LYSMD1: variants seen among roughly 807,000 people sequenced by gnomAD.
LYSMD1 encodes LysM domain containing 1.
Under a neutral mutation model 19.3 loss-of-function variants are expected in LYSMD1, and 9 were observed. The ratio of observed to expected loss-of-function variants is 0.47; its 90% CI spans 0.28 to 0.81. The LOEUF (loss-of-function observed/expected upper bound fraction) is 0.81, where lower values mean the gene tolerates loss of function less well. LYSMD1 is among the 40% of genes least tolerant of loss of function. The pLI is 0.11. For synonymous variants in LYSMD1, 111 were observed against 111.7 expected, an observed-to-expected ratio of 0.99 and a Z score of 0.04; for missense variants, 262 against 279.8, an observed-to-expected ratio of 0.94 and a Z score of 0.45.
downstream of LYSMD1, chr1:151,159,132 C>T (rs1186886111): frequency 8.7e-6 from 14 of 1,614,080 alleles, no homozygotes; most frequent in African/African-American, 2.7e-5. Flanking sequence ...GCATCCGCCA[C>T]GTGTTTGATC....
At chr1:151,154,620 A>G in the LYSMD1 span, among the ~76,000 whole-genome samples, 9 of 151,974 alleles carry the variant, frequency 5.9e-5, no homozygotes, top group Non-Finnish European at 1.0e-4. Context: ...ATCTTCTTAT[A>G]TTTTTATTCC....
At chr1:151,156,194 TG>T (rs1683218384), downstream of LYSMD1, among the ~76,000 whole-genome samples, 1 of 150,100 alleles carries the variant, frequency 6.7e-6, no homozygotes, top group Non-Finnish European at 1.5e-5. Context: ...GCTGGTCACC[TG>T]TGGTGCAGCA....
the LYSMD1 span, among the ~76,000 whole-genome samples, chr1:151,149,036 GA>G: frequency 6.6e-6 from 1 of 152,310 alleles, no homozygotes; most frequent in South Asian, 2.1e-4. Flanking sequence ...AGACAAGGGT[GA>G]TGGGAACAGA....
At chr1:151,158,179 C>T (rs1463397939), downstream of LYSMD1, among the ~76,000 whole-genome samples, 1 of 151,792 alleles carries the variant, frequency 6.6e-6, no homozygotes, top group Non-Finnish European at 1.5e-5. Flanking sequence ...AAAAATTAGC[C>T]GGGCGTGGTG....
chr1:151,152,352 G>T, the LYSMD1 span, among the ~76,000 whole-genome samples: 1 of 132,734 alleles, frequency 7.5e-6, no homozygotes, highest in Admixed American at 7.5e-5. Context: ...AGCCGAGATC[G>T]TGCCACTGCA....
At position 151,161,832 on chromosome 1, in the gene LYSMD1, T is replaced by C; in HGVS notation, c.449A>G (p.His150Arg). ...AAGGAAATCAGAGGCAGAGAGGTCA[T>C]GGATGGGCGTGGGGGTTTCCTGGCC... ...TPGQETPTPI[H>R]DLSASDFLKK... The change falls in exon 2 of 3, where the codon CAT becomes CGT. Residue 150 changes from histidine to arginine, a missense_variant. Physicochemically the swap from His to Arg is conservative, Grantham distance 29 (BLOSUM62 0). Transcript: ENST00000368908. 1 of 1,613,744 alleles carries C rather than the reference T, an allele frequency of 6.2e-7. No individual in the cohort carries two copies. Among genetic ancestry groups the C allele is most frequent in the Non-Finnish European group, 8.5e-7 (1 of 1,179,912 alleles).
At chr1:151,150,207 C>T in the LYSMD1 span, among the ~76,000 whole-genome samples, 23 of 152,302 alleles carry the variant, frequency 1.5e-4, no homozygotes, top group African/African-American at 2.2e-4. Flanking sequence ...TCTCCTGCCT[C>T]GGCCTCTCGA....
At position 151,165,616 on chromosome 1, in the gene LYSMD1, G is replaced by C; in HGVS notation, c.-358C>G. On this transcript the variant is annotated 5_prime_UTR_variant, in exon 1 of 3. Coordinates refer to ENST00000368908, the MANE Select transcript of LYSMD1 (RefSeq NM_212551.5). ...TTTGCCCCCAAGTAGCCTGGCCTCA[G>C]GGCGCTCCAACATCCCAGCTCTCCC... The C allele has an allele frequency of 6.5e-7, 1 of 1,532,272 alleles. No individual in the cohort carries two copies. The highest frequency in any genetic ancestry group is 1.2e-5 in the South Asian group (1 of 82,242). The allele number at this position is 1,532,272 out of a possible 1,614,324, so 94.9% of individuals were successfully genotyped here.
At chr1:151,150,632 G>A in the LYSMD1 span, among the ~76,000 whole-genome samples, 1 of 151,842 alleles carries the variant, frequency 6.6e-6, no homozygotes, top group African/African-American at 2.4e-5. Context: ...TGGCTCCTGA[G>A]GTCCCTCTTT....
In LYSMD1 at chr1:151,165,111, G is replaced by C. The variant is rs773904877; in HGVS notation, c.148C>G (p.Leu50Val). ...CCATATTTGAGTGCTAGTCCAGCCA[G>C]GGTGTCTCCGGGCTCCAACTGATGC... ...LEHQLEPGDT[L>V]AGLALKYGVT... The change falls in exon 1 of 3, where the codon CTG becomes GTG. Residue 50 changes from leucine (L) to valine (V), a missense_variant. Leu to Val is a conservative substitution (Grantham distance 32). Transcript: ENST00000368908. 36 of 1,614,070 alleles carry C rather than the reference G, an allele frequency of 2.2e-5. No homozygotes were observed. The South Asian group carries it at 4.0e-4, about 18-fold the overall frequency.
At chr1:151,151,263 C>T in the LYSMD1 span, among the ~76,000 whole-genome samples, 4 of 151,780 alleles carry the variant, frequency 2.6e-5, no homozygotes, top group Non-Finnish European at 5.9e-5. Context: ...TCACTCGGCT[C>T]ACTGCAAGTT....
intron 2 of LYSMD1, 140 bp downstream of exon 2, chr1:151,161,596 T>G: frequency 1.8e-6 from 2 of 1,099,218 alleles, no homozygotes; most frequent in Non-Finnish European, 2.6e-6. Context: ...CCTCTGCTCA[T>G]TATCTTGGGG....
chr1:151,164,726 C>T (rs182430735), intron 1 of LYSMD1, among the ~76,000 whole-genome samples: 58 of 152,298 alleles, frequency 3.8e-4, no homozygotes, highest in African/African-American at 1.2e-3. Flanking sequence ...CCAAATCTGA[C>T]GCTCATTATT....
downstream of LYSMD1, among the ~76,000 whole-genome samples, chr1:151,156,181 C>A (rs997581443): frequency 3.3e-5 from 5 of 150,872 alleles, no homozygotes; most frequent in Non-Finnish European, 5.9e-5. Flanking sequence ...TGTGCTGGCA[C>A]CTGCTGGTCA....
rs1046858394 is a variant in LYSMD1 at position 151,165,215 on chromosome 1, A to G, written c.44T>C (p.Leu15Pro). 1 of 1,613,974 alleles carries G rather than the reference A, an allele frequency of 6.2e-7. No individual in the cohort carries two copies. Among genetic ancestry groups the G allele is most frequent in the African/African-American group, 1.3e-5 (1 of 74,924 alleles). ...SRQPPPGGSGLLQGSRARSYG... is the reference protein window; with the variant it reads ...SRQPPPGGSGPLQGSRARSYG... ...TGAACGAGCCCGGCTCCCTTGAAGCAGTCCTGACCCCCCTGGCGGGGGCTG... is the reference window on the plus strand; with the variant it reads ...TGAACGAGCCCGGCTCCCTTGAAGCGGTCCTGACCCCCCTGGCGGGGGCTG... The change falls in exon 1 of 3, where the codon CTG (leucine) becomes CCG (proline). Residue 15 changes from leucine (L) to proline (P), a missense_variant. By Grantham distance (98) the Leu-to-Pro change is moderately conservative. Coordinates refer to ENST00000368908, the MANE Select transcript of LYSMD1 (RefSeq NM_212551.5).
the LYSMD1 span, among the ~76,000 whole-genome samples, chr1:151,150,416 A>G: frequency 6.6e-6 from 1 of 152,186 alleles, no homozygotes; most frequent in Non-Finnish European, 1.5e-5. Flanking sequence ...TTCTAGAGTT[A>G]CCTATACTTG....
Position 151,159,748 on chromosome 1 carries a change from T to G in LYSMD1, c.*1134A>C, listed in dbSNP as rs900581402. On this transcript the variant is annotated 3_prime_UTR_variant, in exon 3 of 3. Transcript: ENST00000368908. ...TAGGGGAAATAAAACTACTAAAATA[T>G]GCACAGGGCTCAATGTTTAATCTGT... The G allele has an allele frequency of 1.1e-5, 2 of 177,908 alleles. No individual in the cohort carries two copies. Among genetic ancestry groups the G allele is most frequent in the African/African-American group, 4.8e-5 (2 of 41,554 alleles). 11.0% of individuals were successfully genotyped at this position (177,908 alleles called of 1,614,324 possible).
intron 2 of LYSMD1, 70 bp from the exon 3 acceptor site, chr1:151,161,090 G>A (rs1244109541): frequency 1.3e-6 from 2 of 1,543,292 alleles, no homozygotes; most frequent in Non-Finnish European, 1.8e-6. Flanking sequence ...CAAGTGAGAG[G>A]TACATGGAAA....
downstream of LYSMD1, among the ~76,000 whole-genome samples, chr1:151,157,183 G>C (rs1683252489): frequency 6.6e-6 from 1 of 152,168 alleles, no homozygotes; most frequent in African/African-American, 2.4e-5. Context: ...CTCACATGGA[G>C]CAATCTCCTC....
Sources: allele counts gnomAD v4.1 joint callset (sites outside exome capture counted in the v4.1 genomes callset), GRCh38; gene constraint gnomAD v4.1.1; transcripts MANE v1.5; gene names NCBI Gene and HGNC (gene_info 2026-07-23, HGNC 2026-07-21).